The following AFG2A variants were observed in gnomAD, a reference collection of about 807,000 sequenced individuals.
AFG2A encodes ATPase family gene 2 protein homolog A.
At chr4:122,934,061 T>G in the AFG2A span, 1 of 1,498,990 alleles carries the variant, frequency 6.7e-7, no homozygotes, top group South Asian at 1.4e-5. Context: ...TAAAAAAAAT[T>G]ATGCTAACAT....
chr4:123,283,361 A>T, the AFG2A span, among the ~76,000 whole-genome samples: 4,404 of 46,938 alleles, frequency 0.094, 109 homozygotes, highest in Non-Finnish European at 0.21. Context: ...AAAAAAAAAG[A>T]GAGAGAGAGA....
chr4:123,016,777 G>T, the AFG2A span, among the ~76,000 whole-genome samples: 1 of 152,158 alleles, frequency 6.6e-6, no homozygotes, highest in Non-Finnish European at 1.5e-5. Flanking sequence ...AGGCGGCTGG[G>T]AGGTGGAGGT....
chr4:122,943,117 C>G, the AFG2A span, among the ~76,000 whole-genome samples: 4 of 152,082 alleles, frequency 2.6e-5, no homozygotes, highest in Non-Finnish European at 4.4e-5. Flanking sequence ...TTCTGTTGAT[C>G]TGGGGTGGAG....
At chr4:123,105,615 C>T in the AFG2A span, among the ~76,000 whole-genome samples, 7 of 152,082 alleles carry the variant, frequency 4.6e-5, no homozygotes, top group Admixed American at 6.5e-5. Flanking sequence ...GGTGAAAATA[C>T]GTCAACTTTA....
chr4:123,241,248 T>G, the AFG2A span, among the ~76,000 whole-genome samples: 1 of 152,058 alleles, frequency 6.6e-6, no homozygotes, highest in East Asian at 1.9e-4. Context: ...TTCCAATCAA[T>G]AGAACAAGAA....
At chr4:122,947,196 T>A in the AFG2A span, 4 of 1,489,758 alleles carry the variant, frequency 2.7e-6, no homozygotes, top group Non-Finnish European at 3.6e-6. Flanking sequence ...TTTCTAACTT[T>A]CAGAAAAATA....
At chr4:123,051,895 A>G in the AFG2A span, among the ~76,000 whole-genome samples, 1 of 151,998 alleles carries the variant, frequency 6.6e-6, no homozygotes, top group South Asian at 2.1e-4. Flanking sequence ...TGTGAGTTTA[A>G]TTATAAATCT....
chr4:122,970,405 A>C, the AFG2A span, among the ~76,000 whole-genome samples: 1 of 151,916 alleles, frequency 6.6e-6, no homozygotes, highest in Admixed American at 6.6e-5. Context: ...TCACATAAAG[A>C]CACATCTCTC....
chr4:123,041,718 T>C, the AFG2A span, among the ~76,000 whole-genome samples: 1 of 151,532 alleles, frequency 6.6e-6, no homozygotes, highest in African/African-American at 2.4e-5. Context: ...AGTAGAGATG[T>C]GGTTTCTCCA....
chr4:123,135,416 T>A, the AFG2A span, among the ~76,000 whole-genome samples: 6 of 152,154 alleles, frequency 3.9e-5, no homozygotes, highest in Non-Finnish European at 8.8e-5. Context: ...GCCAGAGCAA[T>A]TAGACAAGAG....
chr4:123,005,645 G>C, the AFG2A span, among the ~76,000 whole-genome samples: 2 of 152,064 alleles, frequency 1.3e-5, no homozygotes, highest in African/African-American at 2.4e-5. Flanking sequence ...CATTCATTAA[G>C]CACTGCTTTA....
At chr4:123,296,147 T>A in the AFG2A span, among the ~76,000 whole-genome samples, 105,643 of 150,912 alleles carry the variant, frequency 0.7, 38,793 homozygotes, top group Non-Finnish European at 0.81. Flanking sequence ...ATTATGTGCA[T>A]CTCAGCAATA....
chr4:123,219,482 A>G, the AFG2A span, among the ~76,000 whole-genome samples: 55 of 152,306 alleles, frequency 3.6e-4, no homozygotes, highest in African/African-American at 1.2e-3. Context: ...CGGTTCAGTC[A>G]CACCTAATAT....
chr4:123,120,080 G>T, the AFG2A span, among the ~76,000 whole-genome samples: 1 of 152,120 alleles, frequency 6.6e-6, no homozygotes, highest in South Asian at 2.1e-4. Flanking sequence ...AGATTTGGGT[G>T]TGGACACAAC....
the AFG2A span, among the ~76,000 whole-genome samples, chr4:123,178,873 C>T: frequency 0.058 from 8,896 of 152,200 alleles, 861 homozygotes; most frequent in African/African-American, 0.2. Context: ...ATTCCACATG[C>T]TCCTGTGCTT....
At chr4:123,176,374 A>T in the AFG2A span, among the ~76,000 whole-genome samples, 1 of 152,204 alleles carries the variant, frequency 6.6e-6, no homozygotes, top group East Asian at 1.9e-4. Context: ...TAGTAATACA[A>T]TACCAGAGCA....
the AFG2A span, among the ~76,000 whole-genome samples, chr4:123,302,192 G>T: frequency 5.9e-5 from 9 of 152,138 alleles, no homozygotes; most frequent in Non-Finnish European, 1.3e-4. Flanking sequence ...ACTTGGGGAG[G>T]AGTCTTGAAG....
chr4:123,281,811 T>C, the AFG2A span, among the ~76,000 whole-genome samples: 2 of 152,142 alleles, frequency 1.3e-5, no homozygotes, highest in Non-Finnish European at 2.9e-5. Flanking sequence ...ACCTTAAATA[T>C]ATATGACTAA....
At chr4:123,243,603 G>T in the AFG2A span, among the ~76,000 whole-genome samples, 7 of 152,104 alleles carry the variant, frequency 4.6e-5, no homozygotes, top group African/African-American at 1.7e-4. Context: ...GTCAGGTGGT[G>T]GGGGGCTGGG....
Sources: allele counts gnomAD v4.1 joint callset (sites outside exome capture counted in the v4.1 genomes callset), GRCh38; gene constraint gnomAD v4.1.1; transcripts MANE v1.5; gene names NCBI Gene and HGNC (gene_info 2026-07-23, HGNC 2026-07-21).